LURAP1: variants seen among roughly 807,000 people sequenced by gnomAD.
The protein encoded by LURAP1 is NF-kappa-B activator C1orf190.
LURAP1 carries 14 observed loss-of-function variants against 19.0 expected under a neutral mutation model. That is an observed-to-expected ratio of 0.74 (90% CI 0.49 to 1.15). The LOEUF (loss-of-function observed/expected upper bound fraction) is 1.15, where lower values mean the gene tolerates loss of function less well. LURAP1 is among the 50% of genes most tolerant of loss of function. The pLI is 0.00. For missense variants in LURAP1, 273 were observed against 309.1 expected (o/e 0.88, Z 0.87); for synonymous variants, 129 against 131.8 (o/e 0.98, Z 0.14).
chr1:46,219,361 C>T lies in LURAP1; in HGVS notation c.199-338C>T, dbSNP rs144135996. Among the ~76,000 whole-genome samples, 585 of 152,062 alleles carry T rather than the reference C, an allele frequency of 3.8e-3. 3 individuals are homozygous for T. The highest frequency in any genetic ancestry group is 0.013 in the African/African-American group (540 of 41,512). ...AGCTTAATAGGATTGGATTTTAATACTTAACATTTACTGAGACCTTCCTCT... is the reference window on the plus strand; with the variant it reads ...AGCTTAATAGGATTGGATTTTAATATTTAACATTTACTGAGACCTTCCTCT... On this transcript the variant is annotated intron_variant, in intron 1 of 1. Coordinates refer to ENST00000371980, the MANE Select transcript of LURAP1 (RefSeq NM_001013615.3).
intron 1 of LURAP1, among the ~76,000 whole-genome samples, chr1:46,209,160 G>C (rs1033772897): frequency 6.6e-6 from 1 of 152,110 alleles, no homozygotes; most frequent in African/African-American, 2.4e-5. Context: ...AAGTAGCTGG[G>C]ATTACAGGCA....
rs545915167 is a variant in LURAP1 at position 46,220,107 on chromosome 1, G to A, written c.607G>A (p.Gly203Arg). ...GSLRAVWKPP[G>R]ERLQGGPPES... The stretch of plus-strand genomic sequence containing the variant: ...CTTGAGAGCTGTGTGGAAGCCCCCA[G>A]GGGAGAGGCTTCAAGGTGGACCACC... The change falls in exon 2 of 2, where the codon GGG becomes AGG. Residue 203 changes from glycine to arginine, a missense_variant. Gly to Arg is a moderately radical substitution (Grantham distance 125). Transcript: ENST00000371980. 6.8e-6 allele frequency: 11 copies of A among 1,614,244 alleles called. No homozygotes were observed. The East Asian group carries it at 2.0e-4, about 29-fold the overall frequency.
At chr1:46,216,147 C>T (rs1055536474) in intron 1 of LURAP1, among the ~76,000 whole-genome samples, 12 of 143,820 alleles carry the variant, frequency 8.3e-5, no homozygotes, top group African/African-American at 2.8e-4. Context: ...CCCAGGTTCA[C>T]GCCATTCTCC....
chr1:46,214,100 CT>C (rs902088325), intron 1 of LURAP1, among the ~76,000 whole-genome samples: 6 of 152,254 alleles, frequency 3.9e-5, no homozygotes, highest in Admixed American at 1.3e-4. Flanking sequence ...AATCCCAATA[CT>C]TTGGAAGGCC....
intron 1 of LURAP1, among the ~76,000 whole-genome samples, chr1:46,207,054 C>T (rs545472550): frequency 6.6e-6 from 1 of 152,190 alleles, no homozygotes; most frequent in African/African-American, 2.4e-5. Flanking sequence ...AAATGCTTCT[C>T]TCCACCTCTT....
chr1:46,211,991 A>C (rs1182023170), intron 1 of LURAP1, among the ~76,000 whole-genome samples: 1 of 152,002 alleles, frequency 6.6e-6, no homozygotes, highest in Non-Finnish European at 1.5e-5. Context: ...CAAATTCCTG[A>C]TCTCAGGTGA....
chr1:46,211,439 G>GCACACATACACACACACA (rs764949785), intron 1 of LURAP1, among the ~76,000 whole-genome samples: 16 of 79,046 alleles, frequency 2.0e-4, no homozygotes, highest in East Asian at 5.6e-4. Context: ...ATGAAAACCT[G>GCACACATACACACACACA]CACACACACA....
rs57919535 is a variant in LURAP1, at chr1:46,211,439, G to GCACACA, written c.198+7852_198+7857dup. On this transcript the variant is annotated intron_variant, in intron 1 of 1. Coordinates refer to ENST00000371980, the MANE Select transcript of LURAP1 (RefSeq NM_001013615.3). Reference sequence around the variant, plus strand: ...TGAGCCAAAAACTGGATGAAAACCTGCACACACACACACACACACACACAC... The same window carrying GCACACA: ...TGAGCCAAAAACTGGATGAAAACCTGCACACACACACACACACACACACACACACAC... Among the ~76,000 whole-genome samples, 65 of 78,756 alleles carry GCACACA rather than the reference G, an allele frequency of 8.3e-4. 1 individual carries two copies. Among genetic ancestry groups the GCACACA allele is most frequent in the African/African-American group, 1.9e-3 (55 of 28,824 alleles). The allele number at this position is 78,756 out of a possible 152,430, so 51.7% of individuals were successfully genotyped here. A position where few individuals can be genotyped will look rare whatever the true frequency, so the allele number is the denominator to read the frequency against.
chr1:46,212,828 C>T (rs1251106641), intron 1 of LURAP1, among the ~76,000 whole-genome samples: 1 of 151,978 alleles, frequency 6.6e-6, no homozygotes, highest in Admixed American at 6.6e-5. Context: ...GGCATGATCC[C>T]AGCTCACTGC....
At chr1:46,208,675 T>C (rs1658799392) in intron 1 of LURAP1, among the ~76,000 whole-genome samples, 4 of 152,040 alleles carry the variant, frequency 2.6e-5, no homozygotes. Flanking sequence ...AAACCCCATC[T>C]CTACTAAAAA....
In LURAP1 at chr1:46,220,095, T is replaced by C. The variant is rs764417016; in HGVS notation, c.595T>C (p.Trp199Arg). The C allele has an allele frequency of 1.9e-6, 3 of 1,614,206 alleles. No homozygotes were observed. The highest frequency in any genetic ancestry group is 2.5e-6 in the Non-Finnish European group (3 of 1,180,028). ...CAGGCTAGGGAGCTTGAGAGCTGTG[T>C]GGAAGCCCCCAGGGGAGAGGCTTCA... ...ATRLGSLRAVWKPPGERLQGG... is the reference protein window; with the variant it reads ...ATRLGSLRAVRKPPGERLQGG... The change falls in exon 2 of 2, where the codon TGG (tryptophan) becomes CGG (arginine). Residue 199 changes from tryptophan (W) to arginine (R), a missense_variant. Coordinates refer to ENST00000371980, the MANE Select transcript of LURAP1 (RefSeq NM_001013615.3).
At chr1:46,212,135 T>G (rs151121578) in intron 1 of LURAP1, among the ~76,000 whole-genome samples, 7 of 152,326 alleles carry the variant, frequency 4.6e-5, no homozygotes, top group African/African-American at 1.7e-4. Context: ...ATTTCCTGAA[T>G]AATTCAATAA....
At chr1:46,209,058 C>T (rs1658810591) in intron 1 of LURAP1, among the ~76,000 whole-genome samples, 1 of 151,988 alleles carries the variant, frequency 6.6e-6, no homozygotes, top group Non-Finnish European at 1.5e-5. Context: ...GAGTTTTGCT[C>T]TTGTTGCCCA....
At chr1:46,215,618 G>C (rs986228644) in intron 1 of LURAP1, among the ~76,000 whole-genome samples, 3 of 152,240 alleles carry the variant, frequency 2.0e-5, no homozygotes, top group African/African-American at 7.2e-5. Context: ...AGACATGGAG[G>C]CTGGGTGCCA....
intron 1 of LURAP1, among the ~76,000 whole-genome samples, chr1:46,204,990 G>T (rs1571681050): frequency 6.6e-6 from 1 of 152,140 alleles, no homozygotes; most frequent in South Asian, 2.1e-4. Context: ...GGGCATGGTG[G>T]CTCACGCCTG....
At position 46,221,159 on chromosome 1, in the gene LURAP1, C is replaced by A. The variant is rs1440369874; in HGVS notation, c.*939C>A. The A allele has an allele frequency of 6.6e-6, 1 of 152,250 alleles. No individual in the cohort carries two copies. The highest frequency in any genetic ancestry group is 1.9e-4 in the East Asian group (1 of 5,198). The allele number at this position is 152,250 out of a possible 1,614,324, so 9.4% of individuals were successfully genotyped here. A position where few individuals can be genotyped will look rare whatever the true frequency, so the allele number is the denominator to read the frequency against. ...CGTCCATACCATTACTTCTTGTGAA[C>A]AGTAACATGTCACTCCTCCTGGCAG... is the stretch of plus-strand genomic sequence containing the variant. On this transcript the variant is annotated 3_prime_UTR_variant, in exon 2 of 2. Transcript: ENST00000371980.
intron 1 of LURAP1, among the ~76,000 whole-genome samples, chr1:46,204,924 T>G (rs941207181): frequency 6.6e-6 from 1 of 152,180 alleles, no homozygotes; most frequent in Non-Finnish European, 1.5e-5. Flanking sequence ...TCTCTTCATC[T>G]CCACAGTAAC....
At chr1:46,215,436 T>A (rs1659036195) in intron 1 of LURAP1, among the ~76,000 whole-genome samples, 1 of 152,134 alleles carries the variant, frequency 6.6e-6, no homozygotes, top group Non-Finnish European at 1.5e-5. Flanking sequence ...ATCAAGTGGC[T>A]AACTCAATAG....
chr1:46,219,717 G>T lies in LURAP1; in HGVS notation c.217G>T (p.Asp73Tyr). The change falls in exon 2 of 2, where the codon GAT (aspartate) becomes TAT (tyrosine). Residue 73 changes from aspartate (D) to tyrosine (Y), a missense_variant. Physicochemically the swap from Asp to Tyr is radical, Grantham distance 160. Coordinates refer to ENST00000371980, the MANE Select transcript of LURAP1 (RefSeq NM_001013615.3). ...CCCCCAGGCTTACCTGCGAGCCATCGATGTGAAGATCCTGCAGCAGCTGGT... is the reference window on the plus strand; with the variant it reads ...CCCCCAGGCTTACCTGCGAGCCATCTATGTGAAGATCCTGCAGCAGCTGGT... Reference protein sequence around the residue: ...KMELAYLRAIDVKILQQLVTL... With the variant: ...KMELAYLRAIYVKILQQLVTL... 6.3e-7 allele frequency: 1 copy of T among 1,598,264 alleles called. No individual in the cohort carries two copies. The highest frequency in any genetic ancestry group is 8.5e-7 in the Non-Finnish European group (1 of 1,171,186).
Sources: gnomAD v4.1 joint callset for allele counts (sites outside exome capture counted in the v4.1 genomes callset) on GRCh38, gnomAD v4.1.1 for gene constraint, MANE v1.5 for transcripts, NCBI Gene and HGNC (gene_info 2026-07-23, HGNC 2026-07-21) for gene names.